The following AGT variants were observed in gnomAD, a reference collection of about 807,000 sequenced individuals.
AGT encodes the protein alpha-1 antiproteinase, antitrypsin.
In AGT, 26 loss-of-function variants were observed where a neutral mutation model predicts 28.1. That is an observed-to-expected ratio of 0.92 (90% CI 0.68 to 1.28). AGT has a LOEUF of 1.28. Among genes scored for constraint, AGT ranks in the 50% most tolerant of loss-of-function variants. AGT has a pLI of 0.00. For missense variants in AGT, 596 were observed against 592.3 expected (o/e 1.01, Z -0.06); for synonymous variants, 259 against 259.6 (o/e 1.00, Z 0.02).
intron 2 of AGT, among the ~76,000 whole-genome samples, chr1:230,709,686 T>A (rs1373529456): frequency 6.6e-6 from 1 of 152,168 alleles, no homozygotes; most frequent in East Asian, 1.9e-4. Flanking sequence ...GGCACTTTGT[T>A]TCTCCGAGTC....
chr1:230,714,231 CACA>C (rs1373792291), upstream of AGT: 1 of 152,326 alleles, frequency 6.6e-6, no homozygotes, highest in Non-Finnish European at 1.5e-5. Flanking sequence ...TTGGCCAGAC[CACA>C]GGCTGGCCAG....
chr1:230,704,286 C>A lies in AGT; in HGVS notation c.1149G>T (p.Leu383=). The A allele has an allele frequency of 6.2e-7, 1 of 1,614,234 alleles. No homozygotes were observed. The highest frequency in any genetic ancestry group is 8.5e-7 in the Non-Finnish European group (1 of 1,180,050). The change falls in exon 4 of 5, where the codon CTG becomes CTT. Residue 383 remains leucine, a synonymous_variant. Transcript: ENST00000366667. Reference sequence around the variant, plus strand: ...GCTCAGCCTGGGCGAGCAGGTCCTGCAGGTCATAAGATCCTTGCAGCACCA... The same window carrying A: ...GCTCAGCCTGGGCGAGCAGGTCCTGAAGGTCATAAGATCCTTGCAGCACCA... ...PQLVLQGSYD[L]QDLLAQAELP...
chr1:230,726,166 C>A (rs1663938078), intron 1 of AGT, among the ~76,000 whole-genome samples: 1 of 152,202 alleles, frequency 6.6e-6, no homozygotes, highest in Admixed American at 6.5e-5. Flanking sequence ...ATTTAACAAG[C>A]ACAATAATAA....
intron 2 of AGT, among the ~76,000 whole-genome samples, chr1:230,707,948 C>T (rs1009523551): frequency 3.3e-5 from 5 of 152,176 alleles, no homozygotes; most frequent in African/African-American, 1.2e-4. Flanking sequence ...TACCCTGGAG[C>T]CCATCAGGCC....
At chr1:230,712,590 C>T (rs1283351522) in intron 1 of AGT, among the ~76,000 whole-genome samples, 1 of 152,168 alleles carries the variant, frequency 6.6e-6, no homozygotes, top group African/African-American at 2.4e-5. Context: ...CTGTGGGAAC[C>T]GACTGCTGGG....
chr1:230,732,122 G>T (rs1664080620), intron 1 of AGT, among the ~76,000 whole-genome samples: 1 of 151,964 alleles, frequency 6.6e-6, no homozygotes, highest in African/African-American at 2.4e-5. Flanking sequence ...TATTACTTAT[G>T]TGCTGGTTTA....
intron 1 of AGT, among the ~76,000 whole-genome samples, chr1:230,722,620 T>C (rs1663870203): frequency 6.6e-6 from 1 of 152,356 alleles, no homozygotes; most frequent in Non-Finnish European, 1.5e-5. Flanking sequence ...ATGACCTGGA[T>C]GTGAGACATG....
At chr1:230,712,879 C>G (rs917963110) in intron 1 of AGT, among the ~76,000 whole-genome samples, 1 of 152,050 alleles carries the variant, frequency 6.6e-6, no homozygotes, top group East Asian at 1.9e-4. Context: ...TCCTCTCCTG[C>G]CCCTGCCTCT....
At chr1:230,712,010 T>C (rs1204110737) in intron 1 of AGT, among the ~76,000 whole-genome samples, 3 of 152,142 alleles carry the variant, frequency 2.0e-5, no homozygotes, top group African/African-American at 7.2e-5. Flanking sequence ...CCCTGCTAAT[T>C]CATTTCATCT....
At chr1:230,722,416 AG>A (rs1212694908) in intron 1 of AGT, among the ~76,000 whole-genome samples, 4 of 152,236 alleles carry the variant, frequency 2.6e-5, no homozygotes, top group Non-Finnish European at 5.9e-5. Flanking sequence ...GGCACTGCCT[AG>A]TGGAACTGTG....
At position 230,705,970 on chromosome 1, in the gene AGT, G is replaced by A. The variant is rs778806374; in HGVS notation, c.1060C>T (p.Gln354Ter). The change falls in exon 3 of 5, where the codon CAA becomes TAA. Residue 354 changes from glutamine to a stop codon, truncating the protein, a stop_gained. Transcript: ENST00000366667. LOFTEE classifies it high-confidence loss of function. ...TTCTTCATCCAGTTGAGGGAGTTTT[G>A]CTGGAAAGTGAGACCCTCCACCTTG... ...LDKVEGLTFQ[Q>*]NSLNWMKKLS... 2 of 1,614,170 alleles carry A rather than the reference G, an allele frequency of 1.2e-6. No individual in the cohort carries two copies. The highest frequency in any genetic ancestry group is 4.5e-5 in the East Asian group (2 of 44,872).
At chr1:230,707,926 C>T (rs575778094) in intron 2 of AGT, among the ~76,000 whole-genome samples, 46 of 152,330 alleles carry the variant, frequency 3.0e-4, no homozygotes, top group Middle Eastern at 6.8e-3. Context: ...ACAGCAAGCA[C>T]TGGGCAGACG....
chr1:230,704,954 C>T (rs538839351), intron 3 of AGT, among the ~76,000 whole-genome samples: 4 of 152,216 alleles, frequency 2.6e-5, no homozygotes, highest in African/African-American at 4.8e-5. Context: ...ACGTGTCCAT[C>T]GATGGATGAG....
chr1:230,745,085 G>C (rs1664323933), intron 1 of AGT, among the ~76,000 whole-genome samples: 2 of 152,176 alleles, frequency 1.3e-5, no homozygotes, highest in Non-Finnish European at 2.9e-5. Flanking sequence ...ATTTGGACTG[G>C]CCAGAACTGC....
intron 1 of AGT, among the ~76,000 whole-genome samples, chr1:230,712,679 G>A (rs1663630371): frequency 6.6e-6 from 1 of 152,238 alleles, no homozygotes; most frequent in Non-Finnish European, 1.5e-5. Flanking sequence ...TGCTGCTCCT[G>A]CTCAGGCAGC....
chr1:230,724,342 C>T lies in AGT; in HGVS notation c.-30-13489G>A, dbSNP rs545209001. On this transcript the variant is annotated intron_variant, in intron 1 of 4. Coordinates refer to the AGT transcript ENST00000681269. The stretch of plus-strand genomic sequence containing the variant: ...TTCATTTAAAAATTAGCTTTAGAAA[C>T]ATCTACTGTATTTACAACACTTATT... 1.9e-4 allele frequency among the ~76,000 whole-genome samples: 29 copies of T among 152,294 alleles called. 1 individual carries two copies. The highest frequency in any genetic ancestry group is 4.6e-4 in the African/African-American group (19 of 41,554).
chr1:230,722,403 TG>T (rs1434537960), intron 1 of AGT, among the ~76,000 whole-genome samples: 3 of 152,198 alleles, frequency 2.0e-5, no homozygotes, highest in African/African-American at 7.2e-5. Context: ...GAGTTGCCAT[TG>T]GGGCACTGCC....
In AGT at chr1:230,713,565, T is replaced by C. The variant is rs561410264; in HGVS notation, c.-31+521A>G. 4.6e-5 allele frequency among the ~76,000 whole-genome samples: 7 copies of C among 152,350 alleles called. No homozygotes were observed. In the East Asian group the frequency reaches 1.4e-3, roughly 29 times the overall value. Reference sequence around the variant, plus strand: ...GCCCCTGAGACAGGGAGCCCAGGCATCGTTATTAGTTCCATTTTATAGGTG... The same window carrying C: ...GCCCCTGAGACAGGGAGCCCAGGCACCGTTATTAGTTCCATTTTATAGGTG... On this transcript the variant is annotated intron_variant, in intron 1 of 4. Transcript: ENST00000366667.
intron 1 of AGT, among the ~76,000 whole-genome samples, chr1:230,724,143 C>T (rs1429337885): frequency 1.3e-5 from 2 of 152,176 alleles, no homozygotes; most frequent in Non-Finnish European, 2.9e-5. Flanking sequence ...GTCCAGGATG[C>T]TTTTGTGCTA....
Sources: gnomAD v4.1 joint callset for allele counts (sites outside exome capture counted in the v4.1 genomes callset) on GRCh38, gnomAD v4.1.1 for gene constraint, MANE v1.5 for transcripts, NCBI Gene and HGNC (gene_info 2026-07-23, HGNC 2026-07-21) for gene names.